The following P3H2 variants were observed in gnomAD, a reference collection of about 807,000 sequenced individuals.
The protein encoded by P3H2 is prolyl 3-hydroxylase 2.
In P3H2, 80 loss-of-function variants were observed where a neutral mutation model predicts 87.0. The observed-to-expected ratio is 0.92, with a 90% CI of 0.77 to 1.11. The LOEUF is 1.11. Among genes scored for constraint, P3H2 ranks in the 50% least tolerant of loss-of-function variants. The probability of loss-of-function intolerance (pLI) is 0.00; values close to 1 mark genes in which losing one functional copy is unlikely to be tolerated. For missense variants in P3H2, 1,001 were observed against 923.9 expected, an observed-to-expected ratio of 1.08 and a Z score of -1.08; for synonymous variants, 367 against 359.3, an observed-to-expected ratio of 1.02 and a Z score of -0.24.
intron 1 of P3H2, among the ~76,000 whole-genome samples, chr3:190,075,404 G>T (rs1357282706): frequency 6.6e-6 from 1 of 151,310 alleles, no homozygotes; most frequent in African/African-American, 2.4e-5. Flanking sequence ...AGAACCACTT[G>T]AACCTGGGAG....
intron 1 of P3H2, 118 bp from the exon 2 acceptor site, chr3:189,995,560 T>TTG (rs1560354235): frequency 1.2e-5 from 13 of 1,103,480 alleles, no homozygotes; most frequent in East Asian, 7.8e-5. Flanking sequence ...GCCTTGGTTT[T>TTG]TTTTTTTTTT....
intron 1 of P3H2, among the ~76,000 whole-genome samples, chr3:190,011,574 T>C (rs1232053051): frequency 6.6e-6 from 1 of 152,154 alleles, no homozygotes; most frequent in Non-Finnish European, 1.5e-5. Context: ...GATTAGCTGG[T>C]AAAGTTACTG....
intron 1 of P3H2, among the ~76,000 whole-genome samples, chr3:190,118,484 T>C (rs1712381763): frequency 6.6e-6 from 1 of 151,818 alleles, no homozygotes; most frequent in South Asian, 2.1e-4. Flanking sequence ...CCAGAAATTG[T>C]GTAAATCACT....
At chr3:190,070,035 T>G (rs554479709) in intron 1 of P3H2, among the ~76,000 whole-genome samples, 97 of 151,966 alleles carry the variant, frequency 6.4e-4, no homozygotes, top group African/African-American at 2.3e-3. Flanking sequence ...TTAAGATGCA[T>G]GCATGAAGGC....
chr3:190,045,989 G>A (rs1474219187), intron 1 of P3H2, among the ~76,000 whole-genome samples: 3 of 152,100 alleles, frequency 2.0e-5, no homozygotes, highest in African/African-American at 7.2e-5. Flanking sequence ...CAGCCGTGGT[G>A]GCGGGCGCCT....
chr3:190,066,178 C>CACACACACACACACACACAT (rs1398712598), intron 1 of P3H2, among the ~76,000 whole-genome samples: 1 of 143,214 alleles, frequency 7.0e-6, no homozygotes, highest in African/African-American at 2.8e-5. Flanking sequence ...CACACACACA[C>CACACACACACACACACACAT]ATATATACAC....
intron 1 of P3H2, among the ~76,000 whole-genome samples, chr3:190,092,019 G>A (rs563424789): frequency 1.3e-5 from 2 of 152,250 alleles, no homozygotes; most frequent in East Asian, 1.9e-4. Flanking sequence ...GATCACCTGA[G>A]GTCAGGAGTT....
intron 14 of P3H2, 200 bp downstream of exon 14, chr3:189,963,758 T>C (rs1722887504): frequency 8.1e-6 from 5 of 620,244 alleles, no homozygotes; most frequent in Non-Finnish European, 2.8e-6. Context: ...AATTTGTTAA[T>C]AAGCTCAAGA....
intron 1 of P3H2, among the ~76,000 whole-genome samples, chr3:190,008,161 C>T (rs373298688): frequency 3.3e-4 from 50 of 151,702 alleles, no homozygotes; most frequent in African/African-American, 1.1e-3. Context: ...CTCAGGGTCA[C>T]GTGGGTTCTG....
rs746578924 is a variant in P3H2, at chr3:189,984,583, C to T, written c.1196G>A (p.Trp399Ter). ...LGFSYTEPNY[W>*]IRYGGRQDEN... ...ATCCTGTCGTCCTCCATATCTGATC[C>T]AATAATTCTGTTTTGAATCGAGTAA... is the stretch of plus-strand genomic sequence containing the variant. The change falls in exon 7 of 15, where the codon TGG (tryptophan) becomes TAG (stop). Residue 399 changes from tryptophan to a stop codon, truncating the protein, a stop_gained. Coordinates refer to ENST00000319332, the MANE Select transcript of P3H2 (RefSeq NM_018192.4). LOFTEE classifies it high-confidence loss of function. 3 of 1,599,208 alleles carry T rather than the reference C, an allele frequency of 1.9e-6. No individual in the cohort carries two copies. The highest frequency in any genetic ancestry group is 2.6e-6 in the Non-Finnish European group (3 of 1,174,636).
intron 13 of P3H2, among the ~76,000 whole-genome samples, chr3:189,964,561 C>T (rs12053948): frequency 0.074 from 11,237 of 152,268 alleles, 1,087 homozygotes; most frequent in East Asian, 0.32. Flanking sequence ...GTTACATGAG[C>T]GTATACGCTT....
intron 6 of P3H2, among the ~76,000 whole-genome samples, chr3:189,986,497 G>T (rs1026137721): frequency 6.6e-6 from 1 of 152,212 alleles, no homozygotes; most frequent in African/African-American, 2.4e-5. Context: ...GCTGAGGCAG[G>T]AGAATTGCTT....
chr3:190,063,471 C>T (rs956862617), intron 1 of P3H2, among the ~76,000 whole-genome samples: 3 of 152,100 alleles, frequency 2.0e-5, no homozygotes, highest in East Asian at 1.9e-4. Context: ...CATCAGACAC[C>T]GCTTGCTACC....
chr3:189,963,841 A>G (rs1376528776), intron 14 of P3H2, 117 bp downstream of exon 14: 1 of 991,080 alleles, frequency 1.0e-6, no homozygotes, highest in African/African-American at 1.6e-5. Flanking sequence ...AACATATCTG[A>G]TTAAGAACTG....
chr3:190,035,766 T>C (rs1725399632), intron 1 of P3H2, among the ~76,000 whole-genome samples: 1 of 152,152 alleles, frequency 6.6e-6, no homozygotes, highest in Admixed American at 6.5e-5. Flanking sequence ...CTAAATACCT[T>C]CTGTTGGGCT....
intron 1 of P3H2, among the ~76,000 whole-genome samples, chr3:190,086,242 CTG>C (rs1727206612): frequency 6.6e-6 from 1 of 152,184 alleles, no homozygotes; most frequent in Non-Finnish European, 1.5e-5. Flanking sequence ...TAGAACCTCA[CTG>C]TCTCTCACTT....
intron 1 of P3H2, among the ~76,000 whole-genome samples, chr3:190,119,950 C>G (rs1159196716): frequency 6.6e-6 from 1 of 151,834 alleles, no homozygotes. Context: ...GTACTAGATT[C>G]AGCTTTGTCA....
At chr3:190,026,479 C>T (rs778504408) in intron 1 of P3H2, among the ~76,000 whole-genome samples, 12 of 152,112 alleles carry the variant, frequency 7.9e-5, no homozygotes, top group Non-Finnish European at 1.3e-4. Flanking sequence ...GAGTCACCTC[C>T]GGTCATCCTC....
intron 10 of P3H2, 101 bp from the exon 11 acceptor site, chr3:189,973,125 C>A (rs1348182340): frequency 1.6e-5 from 16 of 1,028,812 alleles, no homozygotes; most frequent in Non-Finnish European, 2.3e-5. Context: ...ATTGTCATGT[C>A]TGTATTGACT....
Sources: gnomAD v4.1 joint callset for allele counts (sites outside exome capture counted in the v4.1 genomes callset) on GRCh38, gnomAD v4.1.1 for gene constraint, MANE v1.5 for transcripts, NCBI Gene and HGNC (gene_info 2026-07-23, HGNC 2026-07-21) for gene names.